The following WFDC8 variants were observed in gnomAD, a reference collection of about 807,000 sequenced individuals.
WFDC8 encodes WAP four-disulfide core domain 8, also known as WAP four-disulfide core domain protein 8.
WFDC8 carries 24 observed loss-of-function variants against 27.0 expected under a neutral mutation model. The ratio of observed to expected loss-of-function variants is 0.89; its 90% CI spans 0.64 to 1.25. The LOEUF is 1.25. Ranked by LOEUF, WFDC8 falls within the 50% of genes most tolerant of loss-of-function variation. The pLI, the probability that WFDC8 is intolerant of heterozygous loss-of-function variation, is 0.00. For missense variants in WFDC8, 287 were observed against 295.9 expected (o/e 0.97, Z 0.22); for synonymous variants, 106 against 99.7 (o/e 1.06, Z -0.38).
At chr20:45,558,040 C>G (rs1215279000) in intron 3 of WFDC8, among the ~76,000 whole-genome samples, 3 of 152,188 alleles carry the variant, frequency 2.0e-5, no homozygotes, top group Non-Finnish European at 4.4e-5. Flanking sequence ...ACCCGCCCCC[C>G]TCTAAGCTAA....
intron 4 of WFDC8, among the ~76,000 whole-genome samples, chr20:45,553,841 C>T (rs1452752527): frequency 6.6e-6 from 1 of 152,060 alleles, no homozygotes; most frequent in Non-Finnish European, 1.5e-5. Context: ...CAAGGTAGAA[C>T]TAAAATTATT....
intron 3 of WFDC8, among the ~76,000 whole-genome samples, chr20:45,557,154 G>T (rs6032313): frequency 0.38 from 57,972 of 151,714 alleles, 11,494 homozygotes; most frequent in Non-Finnish European, 0.43. Flanking sequence ...ACACAAAAGT[G>T]GAATGAATTA....
In WFDC8 at chr20:45,575,556, T is replaced by A. The variant is rs923307869; in HGVS notation, c.26+3666A>T. The stretch of plus-strand genomic sequence containing the variant: ...AGATATTTCATATTCATATTTCATA[T>A]GGATTAGAAGAATTAATATTGTTAA... On this transcript the variant is annotated intron_variant, in intron 1 of 5. Coordinates refer to ENST00000289953, the MANE Select transcript of WFDC8 (RefSeq NM_130896.3). Among the ~76,000 whole-genome samples the A allele has an allele frequency of 2.8e-4, 43 of 151,506 alleles. 1 individual carries two copies. The highest frequency in any genetic ancestry group is 8.2e-4 in the African/African-American group (34 of 41,484).
intron 5 of WFDC8, 80 bp from the exon 6 acceptor site, chr20:45,552,245 TCA>T: frequency 6.5e-7 from 1 of 1,545,376 alleles, no homozygotes; most frequent in Non-Finnish European, 8.8e-7. Flanking sequence ...CTTGGGAATC[TCA>T]AACAAGGTTT....
chr20:45,555,372 G>T (rs1011140849), intron 4 of WFDC8, among the ~76,000 whole-genome samples: 1 of 152,150 alleles, frequency 6.6e-6, no homozygotes, highest in African/African-American at 2.4e-5. Context: ...ATGCTCAACA[G>T]GTTACTATGA....
At chr20:45,554,943 C>T (rs930830690) in intron 4 of WFDC8, among the ~76,000 whole-genome samples, 5 of 152,208 alleles carry the variant, frequency 3.3e-5, no homozygotes, top group African/African-American at 1.2e-4. Context: ...AACGCTGCCT[C>T]ATAAATCACA....
At chr20:45,556,004 G>A in intron 3 of WFDC8, 136 bp from the exon 4 acceptor site, 2 of 838,850 alleles carry the variant, frequency 2.4e-6, no homozygotes, top group Non-Finnish European at 3.7e-6. Context: ...AAAAAAAAAG[G>A]CATAGGTTCT....
At chr20:45,556,521 G>C (rs1370373038) in intron 3 of WFDC8, among the ~76,000 whole-genome samples, 1 of 152,162 alleles carries the variant, frequency 6.6e-6, no homozygotes, top group African/African-American at 2.4e-5. Flanking sequence ...TTTTGCAAAG[G>C]AGACGAGGGC....
intron 1 of WFDC8, among the ~76,000 whole-genome samples, chr20:45,563,809 T>C (rs1256642044): frequency 6.6e-6 from 1 of 152,202 alleles, no homozygotes; most frequent in East Asian, 1.9e-4. Flanking sequence ...CCTGAAAACA[T>C]CTATTAACCC....
At chr20:45,565,040 A>AAAGG (rs1336138272) in intron 1 of WFDC8, among the ~76,000 whole-genome samples, 1 of 88,082 alleles carries the variant, frequency 1.1e-5, no homozygotes, top group African/African-American at 3.9e-5. Context: ...AAGGAAGAAG[A>AAAGG]AAGGAAGGAA....
intron 4 of WFDC8, among the ~76,000 whole-genome samples, chr20:45,554,369 G>A (rs1159203341): frequency 6.6e-6 from 1 of 152,102 alleles, no homozygotes; most frequent in Non-Finnish European, 1.5e-5. Context: ...ATGTTTGTGA[G>A]GTCCAGGTGG....
At chr20:45,565,748 T>C (rs944217312) in intron 1 of WFDC8, among the ~76,000 whole-genome samples, 1 of 152,126 alleles carries the variant, frequency 6.6e-6, no homozygotes, top group Admixed American at 6.6e-5. Context: ...ACCCTAGAAA[T>C]AGGATTCAGG....
At chr20:45,574,199 A>G (rs1980965158) in intron 1 of WFDC8, among the ~76,000 whole-genome samples, 1 of 152,222 alleles carries the variant, frequency 6.6e-6, no homozygotes, top group Non-Finnish European at 1.5e-5. Flanking sequence ...ACAAGTAAGG[A>G]GATTTAATTG....
At chr20:45,558,636 T>C (rs1166586926) in intron 3 of WFDC8, among the ~76,000 whole-genome samples, 1 of 152,194 alleles carries the variant, frequency 6.6e-6, no homozygotes, top group Non-Finnish European at 1.5e-5. Context: ...TGTGAATAAT[T>C]GAATGTTGGA....
At chr20:45,554,576 A>G (rs1310699175) in intron 4 of WFDC8, among the ~76,000 whole-genome samples, 1 of 152,210 alleles carries the variant, frequency 6.6e-6, no homozygotes, top group Non-Finnish European at 1.5e-5. Context: ...CAGAGGTATT[A>G]TCAGGTTGCC....
At chr20:45,555,072 C>A (rs915400874) in intron 4 of WFDC8, among the ~76,000 whole-genome samples, 5 of 152,206 alleles carry the variant, frequency 3.3e-5, no homozygotes, top group African/African-American at 9.6e-5. Context: ...GCCAACAACT[C>A]AACGAGCTGT....
intron 1 of WFDC8, among the ~76,000 whole-genome samples, chr20:45,564,964 G>A (rs372540126): frequency 2.9e-4 from 16 of 54,974 alleles, no homozygotes; most frequent in African/African-American, 8.5e-4. Flanking sequence ...AAGGAAGGAA[G>A]GAAAGAAAGA....
At chr20:45,552,331 C>T (rs532586513) in intron 5 of WFDC8, among the ~76,000 whole-genome samples, 166 bp from the exon 6 acceptor site, 58 of 152,272 alleles carry the variant, frequency 3.8e-4, no homozygotes, top group African/African-American at 1.2e-3. Context: ...CAACTTTCTA[C>T]GACTAATAAC....
intron 1 of WFDC8, among the ~76,000 whole-genome samples, chr20:45,565,671 C>A (rs570387764): frequency 4.1e-4 from 63 of 152,188 alleles, no homozygotes; most frequent in African/African-American, 1.5e-3. Context: ...TAAGAAATAC[C>A]AAGGGGTCAG....
Sources: gnomAD v4.1 joint callset for allele counts (sites outside exome capture counted in the v4.1 genomes callset) on GRCh38, gnomAD v4.1.1 for gene constraint, MANE v1.5 for transcripts, NCBI Gene and HGNC (gene_info 2026-07-23, HGNC 2026-07-21) for gene names.